The following SDK1 variants were observed in gnomAD, a reference collection of about 807,000 sequenced individuals.
SDK1 encodes the protein sidekick cell adhesion molecule 1.
SDK1 carries 157 observed loss-of-function variants against 245.5 expected under a neutral mutation model. The ratio of observed to expected loss-of-function variants is 0.64; its 90% CI spans 0.56 to 0.73. The LOEUF (loss-of-function observed/expected upper bound fraction) is 0.73, where lower values mean the gene tolerates loss of function less well. Ranked by LOEUF, SDK1 falls within the 30% of genes least tolerant of loss-of-function variation. SDK1 has a pLI of 0.00. For synonymous variants in SDK1, 1,647 were observed against 1,278.5 expected (o/e 1.29, Z -6.15); for missense variants, 3,583 against 3,002.3 (o/e 1.19, Z -4.52).
chr7:3,824,634 C>G (rs1779727133), intron 5 of SDK1, among the ~76,000 whole-genome samples: 1 of 152,152 alleles, frequency 6.6e-6, no homozygotes, highest in Admixed American at 6.5e-5. Flanking sequence ...TGCGCTGTCA[C>G]CCAGCTAACA....
chr7:3,797,642 TG>T (rs1332705787), intron 4 of SDK1, among the ~76,000 whole-genome samples: 2 of 152,034 alleles, frequency 1.3e-5, no homozygotes, highest in Non-Finnish European at 2.9e-5. Flanking sequence ...TCCCATGCTA[TG>T]TATGTCATAA....
chr7:3,402,271 A>G (rs955521458), intron 1 of SDK1, among the ~76,000 whole-genome samples: 4 of 152,188 alleles, frequency 2.6e-5, no homozygotes, highest in African/African-American at 9.7e-5. Context: ...AGAATGAATG[A>G]TATCTGTTAT....
intron 1 of SDK1, among the ~76,000 whole-genome samples, chr7:3,489,947 G>A (rs1022337830): frequency 6.6e-5 from 10 of 151,906 alleles, no homozygotes; most frequent in African/African-American, 2.4e-4. Context: ...ATAGTCAAAG[G>A]CTAATACATT....
At chr7:4,242,978 C>T (rs1044723351) in intron 43 of SDK1, among the ~76,000 whole-genome samples, 16 of 152,352 alleles carry the variant, frequency 1.1e-4, no homozygotes, top group Non-Finnish European at 1.9e-4. Flanking sequence ...ACGAGGCCTT[C>T]CCAAGGGCTG....
At chr7:3,989,474 G>T (rs907386519) in intron 14 of SDK1, among the ~76,000 whole-genome samples, 4 of 152,124 alleles carry the variant, frequency 2.6e-5, no homozygotes, top group African/African-American at 9.7e-5. Flanking sequence ...CCAGATGAGG[G>T]TCTCCTTCCC....
intron 5 of SDK1, among the ~76,000 whole-genome samples, chr7:3,928,646 A>T (rs1289346859): frequency 6.6e-6 from 1 of 151,994 alleles, no homozygotes; most frequent in African/African-American, 2.4e-5. Flanking sequence ...GGGTGGGTGG[A>T]ATGCCAATAA....
intron 4 of SDK1, among the ~76,000 whole-genome samples, chr7:3,802,734 T>C (rs925005865): frequency 6.6e-6 from 1 of 152,100 alleles, no homozygotes; most frequent in African/African-American, 2.4e-5. Flanking sequence ...GATTGGCTTT[T>C]CCCCCCACTT....
At chr7:3,597,727 A>G (rs1156287521) in intron 1 of SDK1, among the ~76,000 whole-genome samples, 1 of 152,220 alleles carries the variant, frequency 6.6e-6, no homozygotes, top group Non-Finnish European at 1.5e-5. Flanking sequence ...ATGGCCTCCC[A>G]TAATTTTGTT....
intron 22 of SDK1, among the ~76,000 whole-genome samples, chr7:4,105,342 C>A (rs908694126): frequency 6.6e-6 from 1 of 150,558 alleles, no homozygotes; most frequent in Non-Finnish European, 1.5e-5. Flanking sequence ...GACCTTCACT[C>A]TGTCGCCAGG....
At chr7:3,599,833 A>T (rs1039767747) in intron 1 of SDK1, among the ~76,000 whole-genome samples, 1 of 152,182 alleles carries the variant, frequency 6.6e-6, no homozygotes, top group Non-Finnish European at 1.5e-5. Context: ...TACTGTCCTT[A>T]TTACTGTAGC....
At chr7:3,903,450 GT>G (rs1482998595) in intron 5 of SDK1, among the ~76,000 whole-genome samples, 1 of 151,978 alleles carries the variant, frequency 6.6e-6, no homozygotes, top group Non-Finnish European at 1.5e-5. Flanking sequence ...CCGGCCGACA[GT>G]TTTTTTCTTA....
chr7:3,693,344 C>G (rs975652090), intron 4 of SDK1, among the ~76,000 whole-genome samples: 12 of 152,000 alleles, frequency 7.9e-5, no homozygotes, highest in African/African-American at 2.7e-4. Flanking sequence ...TGTATTGTTT[C>G]ATAGTGTTAC....
chr7:3,644,780 A>AAAAAC (rs1279666171), intron 4 of SDK1, among the ~76,000 whole-genome samples: 12 of 140,766 alleles, frequency 8.5e-5, no homozygotes, highest in Non-Finnish European at 7.8e-5. Context: ...CTCCAAAAAA[A>AAAAAC]AAAAAAAAAA....
intron 5 of SDK1, among the ~76,000 whole-genome samples, chr7:3,891,076 C>T (rs1215757839): frequency 6.6e-6 from 1 of 152,168 alleles, no homozygotes; most frequent in African/African-American, 2.4e-5. Context: ...GTCTAGAGCA[C>T]ATCCTTCAAG....
intron 4 of SDK1, among the ~76,000 whole-genome samples, chr7:3,694,579 G>C (rs537344561): frequency 1.3e-5 from 2 of 151,756 alleles, no homozygotes; most frequent in East Asian, 1.9e-4. Flanking sequence ...TATGTTGGTG[G>C]GGGGGGAAAA....
chr7:4,254,190 T>G (rs1787486503), intron 44 of SDK1, among the ~76,000 whole-genome samples: 1 of 151,718 alleles, frequency 6.6e-6, no homozygotes, highest in Admixed American at 6.6e-5. Flanking sequence ...AGTGTTTTTG[T>G]TTTTGTTTTT....
At chr7:3,577,159 C>T (rs1780320382) in intron 1 of SDK1, among the ~76,000 whole-genome samples, 1 of 152,064 alleles carries the variant, frequency 6.6e-6, no homozygotes, top group East Asian at 1.9e-4. Flanking sequence ...CACACACACT[C>T]CTCCATCTGG....
At chr7:3,962,983 G>A (rs532832322) in intron 9 of SDK1, 132 bp downstream of exon 9, 1 of 440,280 alleles carries the variant, frequency 2.3e-6, no homozygotes, top group Admixed American at 5.4e-5. Context: ...TATCCAGTGA[G>A]TACACTCAGC....
chr7:3,537,218 A>G (rs190873409), intron 1 of SDK1, among the ~76,000 whole-genome samples: 1 of 152,338 alleles, frequency 6.6e-6, no homozygotes, highest in Admixed American at 6.5e-5. Flanking sequence ...AATAAATGGA[A>G]CTATGCACTC....
Sources: allele counts gnomAD v4.1 joint callset (sites outside exome capture counted in the v4.1 genomes callset), GRCh38; gene constraint gnomAD v4.1.1; transcripts MANE v1.5; gene names NCBI Gene and HGNC (gene_info 2026-07-23, HGNC 2026-07-21).